XXYLT1: variants seen among roughly 807,000 people sequenced by gnomAD.
The protein encoded by XXYLT1 is UDP-xylose:alpha-xyloside alpha-1,3-xylosyltransferase.
In XXYLT1, 20 loss-of-function variants were observed where a neutral mutation model predicts 28.9. The observed-to-expected ratio is 0.69, with a 90% CI of 0.49 to 1.00. The LOEUF is 1.00. XXYLT1 is among the 50% of genes least tolerant of loss of function. The pLI is 0.00. For synonymous variants in XXYLT1, 257 were observed against 253.8 expected, an observed-to-expected ratio of 1.01 and a Z score of -0.12; for missense variants, 542 against 560.1, an observed-to-expected ratio of 0.97 and a Z score of 0.33.
chr3:195,150,190 C>T lies in XXYLT1; in HGVS notation c.785+6259G>A, dbSNP rs530125079. ...CTGCTCGTGCTAGGCACCATAAATA[C>T]ATTATCTGATTCAATCTCCCTCAAC... On this transcript the variant is annotated intron_variant, in intron 3 of 3. Transcript: ENST00000310380. This position sits in a 1 kb window ranked among gnomAD's most constrained non-coding sequence, Gnocchi z 4.7. Among the ~76,000 whole-genome samples, 2 of 152,300 alleles carry T rather than the reference C, an allele frequency of 1.3e-5. No homozygotes were observed. Among genetic ancestry groups the T allele is most frequent in the African/African-American group, 4.8e-5 (2 of 41,540 alleles).
In XXYLT1 at chr3:195,246,415, T is replaced by C. The variant is rs187696750; in HGVS notation, c.505-19559A>G. ...CAAGCAGATACAGAGACGAAGACCGTGTAAGCACAGCAATACACAGTGTGT... is the reference window on the plus strand; with the variant it reads ...CAAGCAGATACAGAGACGAAGACCGCGTAAGCACAGCAATACACAGTGTGT... On this transcript the variant is annotated intron_variant, in intron 1 of 3. Transcript: ENST00000310380. 1.2e-4 allele frequency among the ~76,000 whole-genome samples: 18 copies of C among 152,328 alleles called. No individual in the cohort carries two copies. The East Asian group carries it at 3.3e-3, about 28-fold the overall frequency.
chr3:195,133,184 A>T lies in XXYLT1; in HGVS notation c.785+23265T>A, dbSNP rs541609538. Among the ~76,000 whole-genome samples the T allele has an allele frequency of 6.6e-6, 1 of 152,330 alleles. No homozygotes were observed. Among genetic ancestry groups the T allele is most frequent in the East Asian group, 1.9e-4 (1 of 5,182 alleles). ...TTAAGGGGCATGAAATGTGAAGAGAAAGACGGCTGAAGCCCCAGGTGCCCC... is the reference window on the plus strand; with the variant it reads ...TTAAGGGGCATGAAATGTGAAGAGATAGACGGCTGAAGCCCCAGGTGCCCC... On this transcript the variant is annotated intron_variant, in intron 3 of 3. Coordinates refer to ENST00000310380, the MANE Select transcript of XXYLT1 (RefSeq NM_152531.5). The surrounding 1 kb of genome is among the most constrained non-coding windows in gnomAD (Gnocchi z 4.4).
chr3:195,083,488 C>T (rs1715551496), intron 3 of XXYLT1, among the ~76,000 whole-genome samples: 1 of 152,198 alleles, frequency 6.6e-6, no homozygotes, highest in South Asian at 2.1e-4. Context: ...CACCAGAGGT[C>T]CTTCTCCTCA....
chr3:195,100,263 G>A (rs1314285548), intron 3 of XXYLT1, among the ~76,000 whole-genome samples: 1 of 152,078 alleles, frequency 6.6e-6, no homozygotes, highest in Non-Finnish European at 1.5e-5. Context: ...TTTCCTACTG[G>A]TCTCCGAATC....
chr3:195,250,871 G>A (rs1255161415), intron 1 of XXYLT1, among the ~76,000 whole-genome samples: 1 of 152,066 alleles, frequency 6.6e-6, no homozygotes, highest in African/African-American at 2.4e-5. Flanking sequence ...GACAGCACCT[G>A]GCACATAGTA....
chr3:195,115,192 G>A lies in XXYLT1; in HGVS notation c.785+41257C>T, dbSNP rs190179748. ...AGTGTGCTCACATGAGACGTGCCCG[G>A]TGAGAATGTGGCTTCTGGCTGTCAC... On this transcript the variant is annotated intron_variant, in intron 3 of 3. Transcript: ENST00000310380. This position sits in a 1 kb window ranked among gnomAD's most constrained non-coding sequence, Gnocchi z 4.2. Among the ~76,000 whole-genome samples the A allele has an allele frequency of 6.6e-6, 1 of 152,336 alleles. No individual in the cohort carries two copies. Among genetic ancestry groups the A allele is most frequent in the East Asian group, 1.9e-4 (1 of 5,186 alleles).
At chr3:195,072,941 C>G (rs960339451) in intron 3 of XXYLT1, among the ~76,000 whole-genome samples, 7 of 152,132 alleles carry the variant, frequency 4.6e-5, no homozygotes, top group Non-Finnish European at 8.8e-5. Context: ...AACTTCTATC[C>G]CATGGCAAAA....
At position 195,195,811 on chromosome 3, in the gene XXYLT1, C is replaced by G. The variant is rs1408744205; in HGVS notation, c.652+30898G>C. ...CTGGCCTGCAGGAGTTCAGCACCGC[C>G]AGCCACACCTGCCATGGTCTAGACA... On this transcript the variant is annotated intron_variant, in intron 2 of 3. Transcript: ENST00000310380. The surrounding 1 kb of genome is among the most constrained non-coding windows in gnomAD (Gnocchi z 4.4). 6.6e-6 allele frequency among the ~76,000 whole-genome samples: 1 copy of G among 152,190 alleles called. No homozygotes were observed. Among genetic ancestry groups the G allele is most frequent in the African/African-American group, 2.4e-5 (1 of 41,450 alleles).
chr3:195,108,693 T>C (rs1257403630), intron 3 of XXYLT1, among the ~76,000 whole-genome samples: 3 of 152,238 alleles, frequency 2.0e-5, no homozygotes, highest in Non-Finnish European at 4.4e-5. Flanking sequence ...CTGAATACTG[T>C]AGATGCCTGT....
chr3:195,179,602 C>T (rs1721849076), intron 2 of XXYLT1, among the ~76,000 whole-genome samples: 1 of 152,068 alleles, frequency 6.6e-6, no homozygotes, highest in Non-Finnish European at 1.5e-5. Context: ...GCTGAGGAGA[C>T]ATTGGCCCCA....
At chr3:195,092,907 C>T (rs1348081984) in intron 3 of XXYLT1, among the ~76,000 whole-genome samples, 1 of 110,924 alleles carries the variant, frequency 9.0e-6, no homozygotes, top group Non-Finnish European at 1.7e-5. Flanking sequence ...GACATTTATG[C>T]AGCCAAAAAC....
chr3:195,074,428 C>T (rs932237963), intron 3 of XXYLT1, among the ~76,000 whole-genome samples: 14 of 152,172 alleles, frequency 9.2e-5, no homozygotes, highest in African/African-American at 1.4e-4. Context: ...GCCTGGAACC[C>T]GGAAACGTGA....
chr3:195,120,144 G>A (rs967937961), intron 3 of XXYLT1, among the ~76,000 whole-genome samples: 4 of 152,178 alleles, frequency 2.6e-5, no homozygotes, highest in African/African-American at 9.7e-5. Context: ...CAGGTTCCAC[G>A]GACAAGATGA....
chr3:195,110,089 AGT>A lies in XXYLT1; in HGVS notation c.786-39980_786-39979del, dbSNP rs1345377243. On this transcript the variant is annotated intron_variant, in intron 3 of 3. Transcript: ENST00000310380. ...TGGTGTCTGGTGTGTGTGGTGTATG[AGT>A]GTGCGTGTGTGGTGTATGTGTGCAT... 2.2e-4 allele frequency among the ~76,000 whole-genome samples: 5 copies of A among 22,626 alleles called. 1 individual carries two copies. The East Asian group carries it at 2.9e-3, about 13-fold the overall frequency. The allele number at this position is 22,626 out of a possible 152,430, so 14.8% of individuals were successfully genotyped here.
intron 2 of XXYLT1, among the ~76,000 whole-genome samples, chr3:195,169,959 A>G (rs1200010641): frequency 3.3e-5 from 5 of 150,070 alleles, no homozygotes; most frequent in African/African-American, 1.2e-4. Context: ...TCTGCCTCCC[A>G]GGTTCAAGCG....
At chr3:195,149,569 G>A (rs1720075174) in intron 3 of XXYLT1, among the ~76,000 whole-genome samples, 1 of 152,200 alleles carries the variant, frequency 6.6e-6, no homozygotes, top group Admixed American at 6.5e-5. Context: ...AGTGGGGGCT[G>A]CCTCGGGCAC....
At chr3:195,080,937 G>A (rs1401546413) in intron 3 of XXYLT1, among the ~76,000 whole-genome samples, 1 of 152,214 alleles carries the variant, frequency 6.6e-6, no homozygotes, top group Non-Finnish European at 1.5e-5. Context: ...ATCAGAAAAA[G>A]TGGAGCGCCC....
At chr3:195,198,340 C>T (rs736920) in intron 2 of XXYLT1, among the ~76,000 whole-genome samples, 7,804 of 152,234 alleles carry the variant, frequency 0.051, 614 homozygotes, top group African/African-American at 0.18. Flanking sequence ...TCTCTTCCCA[C>T]TCCCCCTGAG....
rs1560116999 is a variant in XXYLT1, at chr3:195,143,820, A to ATATATC, written c.785+12628_785+12629insGATATA. Among the ~76,000 whole-genome samples, 74 of 98,748 alleles carry ATATATC rather than the reference A, an allele frequency of 7.5e-4. 3 individuals carry two copies. Among genetic ancestry groups the ATATATC allele is most frequent in the African/African-American group, 2.8e-3 (73 of 25,666 alleles). The allele number at this position is 98,748 out of a possible 152,430, so 64.8% of individuals were successfully genotyped here. A position where few individuals can be genotyped will look rare whatever the true frequency, so the allele number is the denominator to read the frequency against. ...TATATAGATAGATATATATAGATAT[A>ATATATC]GATATATATAGATATAGATATAGAT... On this transcript the variant is annotated intron_variant, in intron 3 of 3. Transcript: ENST00000310380.
Sources: gnomAD v4.1 joint callset for allele counts (sites outside exome capture counted in the v4.1 genomes callset) on GRCh38, gnomAD v4.1.1 for gene constraint, Gnocchi (gnomAD v3.1) non-coding constraint, MANE v1.5 for transcripts, NCBI Gene and HGNC (gene_info 2026-07-23, HGNC 2026-07-21) for gene names.